KHDRBS2: variants seen among roughly 807,000 people sequenced by gnomAD.
KHDRBS2 encodes KH domain-containing, RNA-binding, signal transduction-associated protein 2.
A neutral mutation model predicts 44.3 loss-of-function variants in KHDRBS2; 26 were observed. That is an observed-to-expected ratio of 0.59 (90% CI 0.43 to 0.81). KHDRBS2 has a LOEUF of 0.81. Among genes scored for constraint, KHDRBS2 ranks in the 40% least tolerant of loss-of-function variants. KHDRBS2 has a pLI of 0.00. For synonymous variants in KHDRBS2, 194 were observed against 151.1 expected, an observed-to-expected ratio of 1.28 and a Z score of -2.08; for missense variants, 476 against 433.1, an observed-to-expected ratio of 1.10 and a Z score of -0.88.
At chr6:62,063,421 C>A (rs1054834173) in intron 2 of KHDRBS2, among the ~76,000 whole-genome samples, 91 of 151,486 alleles carry the variant, frequency 6.0e-4, no homozygotes, top group African/African-American at 2.1e-3. Flanking sequence ...CATCAAAAAG[C>A]TTACCCACCA....
chr6:61,722,241 T>C (rs989986596), intron 7 of KHDRBS2, among the ~76,000 whole-genome samples: 2 of 152,136 alleles, frequency 1.3e-5, no homozygotes, highest in Non-Finnish European at 2.9e-5. Context: ...TAAAATTCTC[T>C]TTTTTGGTTG....
chr6:61,895,366 T>C (rs1450416441), intron 5 of KHDRBS2, among the ~76,000 whole-genome samples: 2 of 152,162 alleles, frequency 1.3e-5, no homozygotes, highest in Non-Finnish European at 2.9e-5. Context: ...AATCTAACCA[T>C]AGTGATATCA....
chr6:61,565,036 CAACA>C, the KHDRBS2 span, among the ~76,000 whole-genome samples: 1 of 151,922 alleles, frequency 6.6e-6, no homozygotes, highest in Admixed American at 6.6e-5. Flanking sequence ...AATTCATTTT[CAACA>C]AAGGTGCCAA....
chr6:61,615,233 C>CAAAAAAAAAAAAAAAAA, the KHDRBS2 span, among the ~76,000 whole-genome samples: 35 of 58,476 alleles, frequency 6.0e-4, no homozygotes, highest in South Asian at 8.3e-4. Flanking sequence ...ACTCCATCTC[C>CAAAAAAAAAAAAAAAAA]AAAAAAAAAA....
chr6:61,901,416 G>T (rs375213021), intron 4 of KHDRBS2, 45 bp from the exon 5 acceptor site: 1 of 1,442,648 alleles, frequency 6.9e-7, no homozygotes, highest in Non-Finnish European at 9.3e-7. Flanking sequence ...GGGACATGCC[G>T]TTCTCAGAGT....
the KHDRBS2 span, among the ~76,000 whole-genome samples, chr6:61,591,823 G>C: frequency 6.6e-6 from 1 of 152,082 alleles, no homozygotes; most frequent in Non-Finnish European, 1.5e-5. Context: ...AGCAGGGAAG[G>C]GGTCAAGGTA....
intron 8 of KHDRBS2, among the ~76,000 whole-genome samples, chr6:61,689,609 T>C (rs934009788): frequency 2.6e-5 from 4 of 151,996 alleles, no homozygotes; most frequent in Non-Finnish European, 5.9e-5. Context: ...AACTTCTGGA[T>C]ACCAAAAGCC....
chr6:61,555,834 C>A, the KHDRBS2 span, among the ~76,000 whole-genome samples: 6 of 152,122 alleles, frequency 3.9e-5, no homozygotes, highest in African/African-American at 1.4e-4. Context: ...AACTTGGGGG[C>A]CTGTTATCTG....
At chr6:62,204,610 G>A (rs551506117) in intron 1 of KHDRBS2, among the ~76,000 whole-genome samples, 1 of 152,188 alleles carries the variant, frequency 6.6e-6, no homozygotes, top group East Asian at 1.9e-4. Context: ...TTTCAGATTT[G>A]GGATGCCCAA....
intron 6 of KHDRBS2, among the ~76,000 whole-genome samples, chr6:61,785,520 A>G (rs1783664245): frequency 6.6e-6 from 1 of 151,964 alleles, no homozygotes. Flanking sequence ...CCCTTTTTTG[A>G]AAAATAAAAT....
intron 1 of KHDRBS2, among the ~76,000 whole-genome samples, chr6:62,236,917 TC>T (rs1833798860): frequency 6.6e-6 from 1 of 152,188 alleles, no homozygotes; most frequent in Admixed American, 6.5e-5. Context: ...TTCATTTTTT[TC>T]ATACAAAAGA....
chr6:61,758,180 G>T (rs539245864), intron 6 of KHDRBS2, among the ~76,000 whole-genome samples: 3 of 152,042 alleles, frequency 2.0e-5, no homozygotes, highest in African/African-American at 7.2e-5. Flanking sequence ...GCACAAACTG[G>T]GGAAATTGTA....
chr6:62,079,645 C>T (rs555340129), intron 2 of KHDRBS2, among the ~76,000 whole-genome samples: 12 of 152,062 alleles, frequency 7.9e-5, no homozygotes, highest in South Asian at 2.1e-4. Context: ...ATATTTGTTT[C>T]GAATTACTTA....
chr6:61,694,820 C>T (rs1423746926), intron 8 of KHDRBS2, among the ~76,000 whole-genome samples: 1 of 152,134 alleles, frequency 6.6e-6, no homozygotes, highest in African/African-American at 2.4e-5. Context: ...AGCTTATCAA[C>T]TGAGCCAGAA....
chr6:61,774,717 G>A (rs1781641570), intron 6 of KHDRBS2, among the ~76,000 whole-genome samples: 2 of 152,160 alleles, frequency 1.3e-5, no homozygotes, highest in African/African-American at 4.8e-5. Context: ...GAGGTACAAA[G>A]AGGAGCTGGT....
intron 3 of KHDRBS2, among the ~76,000 whole-genome samples, chr6:62,029,996 T>C (rs1297766015): frequency 6.6e-6 from 1 of 151,992 alleles, no homozygotes; most frequent in Non-Finnish European, 1.5e-5. Context: ...AAAGACCATT[T>C]AGAGTTCCAA....
chr6:61,583,015 G>T, the KHDRBS2 span, among the ~76,000 whole-genome samples: 17 of 151,676 alleles, frequency 1.1e-4, no homozygotes, highest in African/African-American at 2.7e-4. Context: ...CTATGTTTTT[G>T]ATCTATATTC....
intron 2 of KHDRBS2, among the ~76,000 whole-genome samples, chr6:62,061,334 G>C (rs938647720): frequency 8.6e-5 from 13 of 151,698 alleles, no homozygotes; most frequent in African/African-American, 3.1e-4. Flanking sequence ...TCCATGTTCA[G>C]CGCTTCCTTC....
At chr6:62,063,545 T>C (rs1792637001) in intron 2 of KHDRBS2, among the ~76,000 whole-genome samples, 1 of 151,688 alleles carries the variant, frequency 6.6e-6, no homozygotes, top group East Asian at 2.0e-4. Context: ...ATTATCTCAA[T>C]AGATGCAGAA....
Sources: gnomAD v4.1 joint callset for allele counts (sites outside exome capture counted in the v4.1 genomes callset) on GRCh38, gnomAD v4.1.1 for gene constraint, MANE v1.5 for transcripts, NCBI Gene and HGNC (gene_info 2026-07-23, HGNC 2026-07-21) for gene names.